FEV: variants seen among roughly 807,000 people sequenced by gnomAD.
FEV encodes the protein protein FEV.
A neutral mutation model predicts 20.5 loss-of-function variants in FEV; 14 were observed. The ratio of observed to expected loss-of-function variants is 0.68; its 90% confidence interval spans 0.45 to 1.07. FEV has a LOEUF of 1.07. Ranked by LOEUF, FEV falls within the 50% of genes least tolerant of loss-of-function variation. The pLI is 0.00. For missense variants in FEV, 301 were observed against 345.3 expected (o/e 0.87, Z 1.02); for synonymous variants, 188 against 163.7 (o/e 1.15, Z -1.13).
chr2:218,982,944 C>T (rs1013264462), intron 2 of FEV, among the ~76,000 whole-genome samples: 1 of 152,242 alleles, frequency 6.6e-6, no homozygotes, highest in Non-Finnish European at 1.5e-5. Context: ...CTCATGGGCT[C>T]ACTATCCTAG....
Position 218,985,063 on chromosome 2 carries a change from C to A in FEV, c.13G>T (p.Gly5Cys). ...TTGATCAGCAGGGGCTGGGAGGCGC[C>A]GCTCTGTCTCATCGCCGCCGGGGAC... MRQS[G>C]ASQPLLINMY... is the part of the protein sequence containing the mutation. The change falls in exon 1 of 3, where the codon GGC becomes TGC. Residue 5 changes from glycine (G) to cysteine (C), a missense_variant. Gly to Cys is a radical substitution (Grantham distance 159, BLOSUM62 -3). Coordinates refer to ENST00000295727, the MANE Select transcript of FEV (RefSeq NM_017521.3). The A allele has an allele frequency of 6.4e-7, 1 of 1,557,518 alleles. No homozygotes were observed.
Position 218,981,775 on chromosome 2 carries a change from G to A in FEV, c.609C>T (p.Thr203=), listed in dbSNP as rs964507091. The A allele has an allele frequency of 1.6e-6, 2 of 1,266,306 alleles. No individual in the cohort carries two copies. The highest frequency in any genetic ancestry group is 1.6e-5 in the African/African-American group (1 of 64,286). 78.4% of individuals were successfully genotyped at this position (1,266,306 alleles called of 1,614,324 possible). The change falls in exon 3 of 3, where the codon ACC becomes ACT. Residue 203 remains threonine (T), a synonymous_variant. Transcript: ENST00000295727. This position sits in a 1 kb window ranked among gnomAD's most constrained non-coding sequence, Gnocchi z 4.5. The part of the protein sequence containing the change: ...SYWPGPGPAA[T]AAAATAALYP... ...AGAGCGCGGCGGTGGCGGCGGCAGC[G>A]GTGGCGGCGGGGCCCGGGCCCGGCC...
rs896018953 is a variant in FEV at position 218,981,402 on chromosome 2, G to T, written c.*265C>A. ...CAAGAGAGGTCCACAAATCCCCTCCGGGACCTGGAGACCTAGAAGAAAAAA... is the reference window on the plus strand; with the variant it reads ...CAAGAGAGGTCCACAAATCCCCTCCTGGACCTGGAGACCTAGAAGAAAAAA... On this transcript the variant is annotated 3_prime_UTR_variant, in exon 3 of 3. Coordinates refer to ENST00000295727, the MANE Select transcript of FEV (RefSeq NM_017521.3). This position sits in a 1 kb window ranked among gnomAD's most constrained non-coding sequence, Gnocchi z 4.5. The T allele has an allele frequency of 1.7e-5, 6 of 358,014 alleles. No individual in the cohort carries two copies. Among genetic ancestry groups the T allele is most frequent in the African/African-American group, 1.3e-4 (6 of 47,980 alleles). The allele number at this position is 358,014 out of a possible 1,614,324, so 22.2% of individuals were successfully genotyped here. A position where few individuals can be genotyped will look rare whatever the true frequency, so the allele number is the denominator to read the frequency against.
chr2:218,981,873 G>T lies in FEV; in HGVS notation c.511C>A (p.Pro171Thr). The T allele has an allele frequency of 8.1e-7, 1 of 1,239,160 alleles. No homozygotes were observed. Among genetic ancestry groups the T allele is most frequent in the Non-Finnish European group, 1.0e-6 (1 of 996,108 alleles). The allele number at this position is 1,239,160 out of a possible 1,614,324, so 76.8% of individuals were successfully genotyped here. A position where few individuals can be genotyped will look rare whatever the true frequency, so the allele number is the denominator to read the frequency against. Reference sequence around the variant, plus strand: ...TTGAGTTTGGAGAGGCCGGGGAAGGGCAGCGGGGCGAGGCCGGCGGGCAGC... The same window carrying T: ...TTGAGTTTGGAGAGGCCGGGGAAGGTCAGCGGGGCGAGGCCGGCGGGCAGC... ...YKLPAGLAPL[P>T]FPGLSKLNLM... The change falls in exon 3 of 3, where the codon CCC (proline) becomes ACC (threonine). Residue 171 changes from proline (P) to threonine (T), a missense_variant. Physicochemically the swap from Pro to Thr is conservative, Grantham distance 38. Coordinates refer to ENST00000295727, the MANE Select transcript of FEV (RefSeq NM_017521.3). The surrounding 1 kb of genome is among the most constrained non-coding windows in gnomAD (Gnocchi z 4.5).
intron 2 of FEV, 91 bp from the exon 3 acceptor site, chr2:218,982,347 G>C: frequency 8.4e-7 from 1 of 1,190,322 alleles, no homozygotes; most frequent in East Asian, 2.6e-5. Context: ...ACCCCGGCAG[G>C]AACCGGCACT....
rs1269279585 is a variant in FEV at position 218,984,195 on chromosome 2, C to A, written c.127+36G>T. The A allele has an allele frequency of 3.5e-5, 54 of 1,557,976 alleles. No homozygotes were observed. Among genetic ancestry groups the A allele is most frequent in the Admixed American group, 2.3e-4 (12 of 52,494 alleles). ...CCGCCTGTGCCCTGACCCCAACCAA[C>A]CTCGCCTCCGCCGCCCAGCGCGCCG... On this transcript the variant is annotated intron_variant, in intron 2 of 2. Transcript: ENST00000295727. This position sits in a 1 kb window ranked among gnomAD's most constrained non-coding sequence, Gnocchi z 5.0.
chr2:218,982,073 G>A lies in FEV; in HGVS notation c.311C>T (p.Ala104Val), dbSNP rs1398771094. The A allele has an allele frequency of 6.2e-7, 1 of 1,613,856 alleles. No individual in the cohort carries two copies. Among genetic ancestry groups the A allele is most frequent in the Admixed American group, 1.7e-5 (1 of 60,026 alleles). ...GTTCTTGTCGTAGTAGTAGCGCAGG[G>A]CGCGGCTCAGCTTGTCGTAGTTCAT... Reference protein sequence around the residue: ...PNMNYDKLSRALRYYYDKNIM... With the variant: ...PNMNYDKLSRVLRYYYDKNIM... Residue 104 changes from alanine (A) to valine (V), a missense_variant, in exon 3 of 3, where the codon GCC (alanine) becomes GTC (valine). Coordinates refer to ENST00000295727, the MANE Select transcript of FEV (RefSeq NM_017521.3).
chr2:218,984,831 C>T lies in FEV; in HGVS notation c.52+193G>A, dbSNP rs1477656239. Among the ~76,000 whole-genome samples the T allele has an allele frequency of 6.6e-6, 1 of 152,206 alleles. No homozygotes were observed. Among genetic ancestry groups the T allele is most frequent in the African/African-American group, 2.4e-5 (1 of 41,462 alleles). On this transcript the variant is annotated intron_variant, in intron 1 of 2. Transcript: ENST00000295727. The surrounding 1 kb of genome is among the most constrained non-coding windows in gnomAD (Gnocchi z 5.0). ...CTGCTCATTTCAACTCCTCTAGACC[C>T]TGCACTGAAACCCAGAGCTCTCTAT...
chr2:218,983,091 C>G (rs932122862), intron 2 of FEV, among the ~76,000 whole-genome samples: 3 of 152,174 alleles, frequency 2.0e-5, no homozygotes, highest in South Asian at 2.1e-4. Flanking sequence ...GGGAACGGAC[C>G]GAGCAGCTGT....
Position 218,985,108 on chromosome 2 carries a change from G to C in FEV, c.-33C>G. 6.7e-7 allele frequency: 1 copy of C among 1,486,634 alleles called. No individual in the cohort carries two copies. Among genetic ancestry groups the C allele is most frequent in the East Asian group, 2.6e-5 (1 of 37,784 alleles). The allele number at this position is 1,486,634 out of a possible 1,614,324, so 92.1% of individuals were successfully genotyped here. A position where few individuals can be genotyped will look rare whatever the true frequency, so the allele number is the denominator to read the frequency against. On this transcript the variant is annotated 5_prime_UTR_variant, in exon 1 of 3. Transcript: ENST00000295727. Reference sequence around the variant, plus strand: ...GGGGACTGGGCGGTGGGAGATGGGGGGGACGGGGAAGGGGGGCGAGGCAGG... The same window carrying C: ...GGGGACTGGGCGGTGGGAGATGGGGCGGACGGGGAAGGGGGGCGAGGCAGG...
Position 218,984,170 on chromosome 2 carries a change from C to T in FEV, c.127+61G>A, listed in dbSNP as rs1229927541. The T allele has an allele frequency of 6.6e-7, 1 of 1,507,178 alleles. No individual in the cohort carries two copies. Among genetic ancestry groups the T allele is most frequent in the East Asian group, 2.5e-5 (1 of 40,608 alleles). The allele number at this position is 1,507,178 out of a possible 1,614,324, so 93.4% of individuals were successfully genotyped here. ...GGTCCACACTGCTCCCACCTACTGT[C>T]CGCCTGTGCCCTGACCCCAACCAAC... On this transcript the variant is annotated intron_variant, in intron 2 of 2. Transcript: ENST00000295727. The surrounding 1 kb of genome is among the most constrained non-coding windows in gnomAD (Gnocchi z 5.0).
rs1347914398 is a variant in FEV, at chr2:218,985,112, C to T, written c.-37G>A. ...ACTGGGCGGTGGGAGATGGGGGGGA[C>T]GGGGAAGGGGGGCGAGGCAGGCTTT... is the stretch of plus-strand genomic sequence containing the variant. On this transcript the variant is annotated 5_prime_UTR_variant, in exon 1 of 3. Coordinates refer to ENST00000295727, the MANE Select transcript of FEV (RefSeq NM_017521.3). The T allele has an allele frequency of 2.3e-5, 25 of 1,082,888 alleles. No homozygotes were observed. Among genetic ancestry groups the T allele is most frequent in the Non-Finnish European group, 3.3e-5 (25 of 761,768 alleles). The allele number at this position is 1,082,888 out of a possible 1,614,324, so 67.1% of individuals were successfully genotyped here. A position where few individuals can be genotyped will look rare whatever the true frequency, so the allele number is the denominator to read the frequency against.
rs942262716 is a variant in FEV, at chr2:218,984,351, T to G, written c.53-46A>C. On this transcript the variant is annotated intron_variant, in intron 1 of 2. Coordinates refer to ENST00000295727, the MANE Select transcript of FEV (RefSeq NM_017521.3). The surrounding 1 kb of genome is among the most constrained non-coding windows in gnomAD (Gnocchi z 5.0). ...GAATCAGGAGAACCCCGGGCGGAAG[T>G]TGTGGGCTTGACAAAAGGGCCCCGG... 18 of 1,533,240 alleles carry G rather than the reference T, an allele frequency of 1.2e-5. No individual in the cohort carries two copies. In the African/African-American group the frequency reaches 1.9e-4, roughly 16 times the overall value. The allele number at this position is 1,533,240 out of a possible 1,614,324, so 95.0% of individuals were successfully genotyped here.
At position 218,981,536 on chromosome 2, in the gene FEV, G is replaced by T; in HGVS notation, c.*131C>A. ...AGCTTCGGTCCCGTCCCCCTGCTAA[G>T]TGCGGCAGGTGGAGTAAACTCTGGA... On this transcript the variant is annotated 3_prime_UTR_variant, in exon 3 of 3. Transcript: ENST00000295727. This position sits in a 1 kb window ranked among gnomAD's most constrained non-coding sequence, Gnocchi z 4.5. The T allele has an allele frequency of 1.5e-6, 1 of 686,554 alleles. No homozygotes were observed. The highest frequency in any genetic ancestry group is 2.0e-6 in the Non-Finnish European group (1 of 490,512). 42.5% of individuals were successfully genotyped at this position (686,554 alleles called of 1,614,324 possible). A position where few individuals can be genotyped will look rare whatever the true frequency, so the allele number is the denominator to read the frequency against.
chr2:218,983,270 C>A (rs1945407348), intron 2 of FEV, among the ~76,000 whole-genome samples: 1 of 152,164 alleles, frequency 6.6e-6, no homozygotes, highest in Non-Finnish European at 1.5e-5. Flanking sequence ...AGAAAAATCC[C>A]GATACAATTA....
intron 2 of FEV, 28 bp from the exon 3 acceptor site, chr2:218,982,284 G>A: frequency 6.5e-7 from 1 of 1,532,922 alleles, no homozygotes; most frequent in Non-Finnish European, 8.8e-7. Flanking sequence ...GTCAGCCACA[G>A]GCGGGAGCGG....
Position 218,984,999 on chromosome 2 carries a change from C to A in FEV, c.52+25G>T, listed in dbSNP as rs1208072839. ...CTTCCCGCCCCAGGTTCCGGTGCCA[C>A]CAGCCTCCGGCTGGTCCCTGGTACC... On this transcript the variant is annotated intron_variant, in intron 1 of 2. Coordinates refer to ENST00000295727, the MANE Select transcript of FEV (RefSeq NM_017521.3). The surrounding 1 kb of genome is among the most constrained non-coding windows in gnomAD (Gnocchi z 5.0). 1 of 1,549,586 alleles carries A rather than the reference C, an allele frequency of 6.5e-7. No homozygotes were observed. Among genetic ancestry groups the A allele is most frequent in the East Asian group, 2.4e-5 (1 of 40,940 alleles).
rs1485437332 is a variant in FEV at position 218,984,565 on chromosome 2, G to T, written c.53-260C>A. The T allele has an allele frequency of 2.3e-6, 1 of 426,716 alleles. No homozygotes were observed. The highest frequency in any genetic ancestry group is 4.0e-5 in the Admixed American group (1 of 24,724). 26.4% of individuals were successfully genotyped at this position (426,716 alleles called of 1,614,324 possible). On this transcript the variant is annotated intron_variant, in intron 1 of 2. Transcript: ENST00000295727. This position sits in a 1 kb window ranked among gnomAD's most constrained non-coding sequence, Gnocchi z 5.0. The stretch of plus-strand genomic sequence containing the variant: ...GGGCCGGCTGGAGCCTTATAAAGCC[G>T]AGCGGGGAACTGCGCCAGCCGAGCT...
Position 218,981,377 on chromosome 2 carries a change from C to A in FEV, c.*290G>T. The stretch of plus-strand genomic sequence containing the variant: ...GAAATGCACTGGAGTGGTGGGGAGA[C>A]AAGAGAGGTCCACAAATCCCCTCCG... On this transcript the variant is annotated 3_prime_UTR_variant, in exon 3 of 3. Coordinates refer to ENST00000295727, the MANE Select transcript of FEV (RefSeq NM_017521.3). This position sits in a 1 kb window ranked among gnomAD's most constrained non-coding sequence, Gnocchi z 4.5. 1 of 333,100 alleles carries A rather than the reference C, an allele frequency of 3.0e-6. No homozygotes were observed. Among genetic ancestry groups the A allele is most frequent in the Non-Finnish European group, 5.4e-6 (1 of 183,706 alleles). The allele number at this position is 333,100 out of a possible 1,614,324, so 20.6% of individuals were successfully genotyped here.
Sources: gnomAD v4.1 joint callset for allele counts (sites outside exome capture counted in the v4.1 genomes callset) on GRCh38, gnomAD v4.1.1 for gene constraint, Gnocchi (gnomAD v3.1) non-coding constraint, MANE v1.5 for transcripts, NCBI Gene and HGNC (gene_info 2026-07-23, HGNC 2026-07-21) for gene names.